Variants in XRCC4 observed in about 807,000 individuals in gnomAD.
XRCC4 encodes DNA repair protein XRCC4.
XRCC4 carries 28 observed loss-of-function variants against 39.1 expected under a neutral mutation model. The observed-to-expected ratio is 0.72, with a 90% confidence interval of 0.53 to 0.98. The LOEUF is 0.98. XRCC4 is among the 50% of genes least tolerant of loss of function. The pLI, the probability that XRCC4 is intolerant of heterozygous loss-of-function variation, is 0.00. For missense variants in XRCC4, 350 were observed against 376.4 expected (o/e 0.93, Z 0.58); for synonymous variants, 123 against 126.4 (o/e 0.97, Z 0.18).
intron 3 of XRCC4, among the ~76,000 whole-genome samples, chr5:83,188,649 T>A (rs113257059): frequency 0.015 from 2,211 of 152,176 alleles, 62 homozygotes; most frequent in African/African-American, 0.051. Flanking sequence ...AACTGGCATG[T>A]CACATGGCAA....
intron 7 of XRCC4, among the ~76,000 whole-genome samples, chr5:83,266,919 G>C (rs1753975681): frequency 1.3e-5 from 2 of 152,064 alleles, no homozygotes; most frequent in African/African-American, 4.8e-5. Flanking sequence ...CTCTATCTTT[G>C]TCTTTGTGTA....
chr5:83,346,716 T>C (rs981272253), intron 7 of XRCC4, among the ~76,000 whole-genome samples: 2 of 152,154 alleles, frequency 1.3e-5, no homozygotes, highest in Non-Finnish European at 2.9e-5. Context: ...AAACTGTATG[T>C]TGAAGTATAA....
intron 6 of XRCC4, among the ~76,000 whole-genome samples, chr5:83,239,183 C>T (rs1160199922): frequency 1.3e-5 from 2 of 151,968 alleles, no homozygotes; most frequent in Non-Finnish European, 2.9e-5. Flanking sequence ...CCAGGAATGC[C>T]ACATTGAATA....
intron 6 of XRCC4, among the ~76,000 whole-genome samples, chr5:83,221,071 G>T (rs183035795): frequency 1.4e-3 from 216 of 152,210 alleles, no homozygotes; most frequent in African/African-American, 4.9e-3. Flanking sequence ...AGAAGTATTT[G>T]TGACCCTTGG....
intron 3 of XRCC4, among the ~76,000 whole-genome samples, chr5:83,126,314 CATT>C (rs1747263691): frequency 6.6e-6 from 1 of 151,952 alleles, no homozygotes; most frequent in Non-Finnish European, 1.5e-5. Flanking sequence ...TACAGTGGCT[CATT>C]ATGAGCATCT....
intron 3 of XRCC4, among the ~76,000 whole-genome samples, chr5:83,136,022 G>A (rs6860239): frequency 0.56 from 85,629 of 151,948 alleles, 24,949 homozygotes; most frequent in African/African-American, 0.71. Context: ...GTTCTGGGAC[G>A]TAGGTAAGTT....
chr5:83,129,113 A>G (rs564940865), intron 3 of XRCC4, among the ~76,000 whole-genome samples: 331 of 151,858 alleles, frequency 2.2e-3, no homozygotes, highest in African/African-American at 7.4e-3. Flanking sequence ...TTTTAGGTCT[A>G]ATGTTTAAGT....
At chr5:83,293,017 C>CT (rs915662625) in intron 7 of XRCC4, among the ~76,000 whole-genome samples, 1 of 151,298 alleles carries the variant, frequency 6.6e-6, no homozygotes, top group South Asian at 2.1e-4. Context: ...TATTATAGAC[C>CT]TTTTTTTTAC....
intron 7 of XRCC4, among the ~76,000 whole-genome samples, chr5:83,317,254 A>G (rs1400669931): frequency 0.017 from 59 of 3,538 alleles, 1 homozygote; most frequent in Middle Eastern, 0.1. Context: ...GAAAGCAGGA[A>G]AGATCCAAAA....
At chr5:83,096,233 G>T (rs1745670334) in intron 1 of XRCC4, among the ~76,000 whole-genome samples, 1 of 152,082 alleles carries the variant, frequency 6.6e-6, no homozygotes. Flanking sequence ...TGGGATAGAG[G>T]GTGGCAATCC....
At chr5:83,236,863 T>C (rs950222204) in intron 6 of XRCC4, among the ~76,000 whole-genome samples, 11 of 142,402 alleles carry the variant, frequency 7.7e-5, no homozygotes, top group African/African-American at 1.0e-4. Flanking sequence ...AACAACTCAA[T>C]AGGTGAAAAA....
chr5:83,220,836 A>G (rs1752055606), intron 6 of XRCC4, among the ~76,000 whole-genome samples: 1 of 152,154 alleles, frequency 6.6e-6, no homozygotes, highest in East Asian at 1.9e-4. Context: ...TTATCTTTTA[A>G]TTTAAATGAA....
Position 83,313,890 on chromosome 5 carries a change from G to A in XRCC4, c.894-39241G>A, listed in dbSNP as rs376636579. 1.0e-3 allele frequency among the ~76,000 whole-genome samples: 153 copies of A among 151,368 alleles called. 1 individual carries two copies. Among genetic ancestry groups the A allele is most frequent in the African/African-American group, 1.4e-3 (56 of 41,092 alleles). On this transcript the variant is annotated intron_variant, in intron 7 of 7. Transcript: ENST00000396027. ...TATTATATTCTAATTGATTGTACTC[G>A]TCTCTTTTCATTAAAATATAAGTTT...
chr5:83,232,584 C>T (rs982677833), intron 6 of XRCC4, among the ~76,000 whole-genome samples: 1 of 152,022 alleles, frequency 6.6e-6, no homozygotes, highest in Non-Finnish European at 1.5e-5. Flanking sequence ...TCACCTGAAA[C>T]TGCTTGTTTA....
the XRCC4 span, among the ~76,000 whole-genome samples, chr5:83,359,055 T>C: frequency 6.6e-6 from 1 of 151,764 alleles, no homozygotes; most frequent in Non-Finnish European, 1.5e-5. Context: ...TGCTGTTTCC[T>C]AGTGGTCAAG....
chr5:83,114,461 A>G (rs1746611064), intron 3 of XRCC4, among the ~76,000 whole-genome samples: 1 of 152,186 alleles, frequency 6.6e-6, no homozygotes, highest in Non-Finnish European at 1.5e-5. Flanking sequence ...TCAAGTTGAA[A>G]GTTCCACAGA....
chr5:83,238,980 C>T (rs1752800481), intron 6 of XRCC4, among the ~76,000 whole-genome samples: 1 of 152,154 alleles, frequency 6.6e-6, no homozygotes, highest in Admixed American at 6.5e-5. Context: ...ATGTTTAATT[C>T]CTGTTCACAC....
At chr5:83,372,699 T>C in the XRCC4 span, among the ~76,000 whole-genome samples, 1 of 152,322 alleles carries the variant, frequency 6.6e-6, no homozygotes, top group East Asian at 1.9e-4. Flanking sequence ...TAATGTATTT[T>C]CTCAATCTAC....
rs1480441864 is a variant in XRCC4, at chr5:83,263,605, G to A, written c.893+4928G>A. Among the ~76,000 whole-genome samples, 200 of 151,468 alleles carry A rather than the reference G, an allele frequency of 1.3e-3. 1 individual carries two copies. The highest frequency in any genetic ancestry group is 4.8e-3 in the African/African-American group (196 of 40,988). On this transcript the variant is annotated intron_variant, in intron 7 of 7. Coordinates refer to ENST00000396027, the MANE Select transcript of XRCC4 (RefSeq NM_003401.5). ...TTTCTCTGATGGCCAGTGATGATGA[G>A]CATTTTTTCACGTGTTTTTTGGCTG... is the stretch of plus-strand genomic sequence containing the variant.
Sources: allele counts gnomAD v4.1 joint callset (sites outside exome capture counted in the v4.1 genomes callset), GRCh38; gene constraint gnomAD v4.1.1; transcripts MANE v1.5; gene names NCBI Gene and HGNC (gene_info 2026-07-23, HGNC 2026-07-21).